The following SMARCAD1 variants were observed in gnomAD, a reference collection of about 807,000 sequenced individuals.
SMARCAD1 encodes the protein SWI/SNF-related matrix-associated actin-dependent regulator of chromatin subfamily A containing DEAD/H box 1.
A neutral mutation model predicts 127.1 loss-of-function variants in SMARCAD1; 25 were observed. The observed-to-expected ratio is 0.20, with a 90% CI of 0.14 to 0.27. The LOEUF is 0.27. SMARCAD1 is among the 10% of genes least tolerant of loss of function. The pLI is 1.00. For missense variants in SMARCAD1, 807 were observed against 1,206.0 expected, an observed-to-expected ratio of 0.67 and a Z score of 4.90; for synonymous variants, 400 against 396.9, an observed-to-expected ratio of 1.01 and a Z score of -0.09.
intron 14 of SMARCAD1, among the ~76,000 whole-genome samples, chr4:94,275,290 C>G (rs777683238): frequency 2.4e-4 from 36 of 152,142 alleles, no homozygotes; most frequent in Non-Finnish European, 4.4e-4. Flanking sequence ...ATATTTTTAA[C>G]TTACAAATAA....
rs1748012542 is a variant in SMARCAD1, at chr4:94,243,970, A to G, written c.705+2964A>G. On this transcript the variant is annotated intron_variant, in intron 6 of 23. Coordinates refer to ENST00000354268, the MANE Select transcript of SMARCAD1 (RefSeq NM_020159.5). ...AAACATTTGGAAAGATAAAAACATA[A>G]CGATACATCCCAAGCAACAGATATA... Among the ~76,000 whole-genome samples, 3 of 152,200 alleles carry G rather than the reference A, an allele frequency of 2.0e-5. No homozygotes were observed. The South Asian group carries it at 6.2e-4, about 32-fold the overall frequency.
At chr4:94,283,781 C>G (rs1176853284) in intron 22 of SMARCAD1, among the ~76,000 whole-genome samples, 6 of 148,890 alleles carry the variant, frequency 4.0e-5, no homozygotes, top group Non-Finnish European at 9.0e-5. Context: ...GCCGAGATCA[C>G]CACCACTGCA....
intron 23 of SMARCAD1, among the ~76,000 whole-genome samples, chr4:94,287,762 C>T (rs1414562141): frequency 6.6e-6 from 1 of 151,820 alleles, no homozygotes; most frequent in African/African-American, 2.4e-5. Context: ...TGTATTAATA[C>T]ATTTTTTACC....
Position 94,264,535 on chromosome 4 carries a change from CAT to C in SMARCAD1, c.1282-171_1282-170del, listed in dbSNP as rs1384127963. On this transcript the variant is annotated intron_variant, in intron 9 of 23. Transcript: ENST00000354268. ...GTGACAGTAGAATATAAAAGTGAAA[CAT>C]GTAGCAACTCAAATATAAACATGAA... 3.4e-5 allele frequency: 19 copies of C among 556,978 alleles called. 1 individual carries two copies. Among genetic ancestry groups the C allele is most frequent in the East Asian group, 3.3e-4 (11 of 33,772 alleles). The allele number at this position is 556,978 out of a possible 1,614,324, so 34.5% of individuals were successfully genotyped here. A position where few individuals can be genotyped will look rare whatever the true frequency, so the allele number is the denominator to read the frequency against.
intron 3 of SMARCAD1, among the ~76,000 whole-genome samples, chr4:94,228,226 A>C (rs918553316): frequency 1.3e-5 from 2 of 152,160 alleles, no homozygotes; most frequent in Non-Finnish European, 2.9e-5. Flanking sequence ...GAAAATTGTC[A>C]TATTTTGGAA....
chr4:94,265,075 T>G (rs1477970830), intron 10 of SMARCAD1, among the ~76,000 whole-genome samples, 169 bp downstream of exon 10: 1 of 151,924 alleles, frequency 6.6e-6, no homozygotes, highest in African/African-American at 2.4e-5. Flanking sequence ...TTCATTGATT[T>G]CCCCCACCCC....
intron 9 of SMARCAD1, among the ~76,000 whole-genome samples, chr4:94,262,597 A>T (rs1451981623): frequency 6.6e-6 from 1 of 152,144 alleles, no homozygotes; most frequent in Non-Finnish European, 1.5e-5. Flanking sequence ...TCATACCCTT[A>T]CTGCCTTCCT....
chr4:94,265,264 GC>G (rs962252365), intron 10 of SMARCAD1, among the ~76,000 whole-genome samples: 18 of 151,858 alleles, frequency 1.2e-4, no homozygotes, highest in African/African-American at 4.3e-4. Context: ...AAAGTCAGCT[GC>G]TTAATTGCAT....
At chr4:94,216,974 A>G (rs1743295001) in intron 2 of SMARCAD1, among the ~76,000 whole-genome samples, 1 of 152,142 alleles carries the variant, frequency 6.6e-6, no homozygotes, top group African/African-American at 2.4e-5. Flanking sequence ...TCATATAGTA[A>G]TTCTATTTTT....
chr4:94,233,625 T>C (rs1453233774), intron 3 of SMARCAD1, among the ~76,000 whole-genome samples: 1 of 152,138 alleles, frequency 6.6e-6, no homozygotes. Flanking sequence ...ATAGAGAGTA[T>C]TGGTGAAAGA....
intron 2 of SMARCAD1, among the ~76,000 whole-genome samples, chr4:94,225,632 T>C (rs1579056308): frequency 1.3e-5 from 2 of 152,208 alleles, no homozygotes; most frequent in Non-Finnish European, 2.9e-5. Context: ...AGCTAATATT[T>C]ATGGGATGCT....
At chr4:94,233,839 T>G (rs1746226384) in intron 3 of SMARCAD1, 115 bp from the exon 4 acceptor site, 5 of 1,116,722 alleles carry the variant, frequency 4.5e-6, no homozygotes, top group Non-Finnish European at 6.5e-6. Context: ...TAGATTGCAT[T>G]TACTATTGAA....
At chr4:94,253,802 A>G in intron 9 of SMARCAD1, 3 of 675,080 alleles carry the variant, frequency 4.4e-6, no homozygotes, top group Non-Finnish European at 5.5e-6. Context: ...TAAATATAAG[A>G]ACTCTTAAAT....
intron 9 of SMARCAD1, among the ~76,000 whole-genome samples, chr4:94,260,981 G>T (rs1198779332): frequency 6.6e-6 from 1 of 152,058 alleles, no homozygotes; most frequent in South Asian, 2.1e-4. Flanking sequence ...ATATTAGGAA[G>T]TTTCAGCTAT....
At chr4:94,234,538 A>G (rs1746339906) in intron 4 of SMARCAD1, among the ~76,000 whole-genome samples, 1 of 152,232 alleles carries the variant, frequency 6.6e-6, no homozygotes, top group African/African-American at 2.4e-5. Context: ...GTCCATAACT[A>G]AGGATAGTCC....
In SMARCAD1 at chr4:94,208,602, A is replaced by C; in HGVS notation, c.190+18A>C. 1 of 1,609,898 alleles carries C rather than the reference A, an allele frequency of 6.2e-7. No individual in the cohort carries two copies. The highest frequency in any genetic ancestry group is 8.5e-7 in the Non-Finnish European group (1 of 1,176,280). ...AAAAACAGGTGAGTTACAATGTTAAAATTGATGTAACATCAAGGACAGTTT... is the reference window on the plus strand; with the variant it reads ...AAAAACAGGTGAGTTACAATGTTAACATTGATGTAACATCAAGGACAGTTT... On this transcript the variant is annotated intron_variant, in intron 2 of 23. Transcript: ENST00000354268.
At chr4:94,234,822 TCTC>T (rs1350638139) in intron 4 of SMARCAD1, among the ~76,000 whole-genome samples, 3 of 152,182 alleles carry the variant, frequency 2.0e-5, no homozygotes, top group Admixed American at 1.3e-4. Flanking sequence ...CACTACCAGT[TCTC>T]CTCCTCACCA....
chr4:94,247,245 C>G lies in SMARCAD1; in HGVS notation c.706-2409C>G, dbSNP rs572946772. 2.0e-5 allele frequency among the ~76,000 whole-genome samples: 3 copies of G among 152,260 alleles called. No individual in the cohort carries two copies. In the South Asian group the frequency reaches 6.2e-4, roughly 32 times the overall value. Reference sequence around the variant, plus strand: ...TCTGCCAGTGCCAAATATGTCTGTTCCAACTATGATTCTGGAGATGGAAAA... The same window carrying G: ...TCTGCCAGTGCCAAATATGTCTGTTGCAACTATGATTCTGGAGATGGAAAA... On this transcript the variant is annotated intron_variant, in intron 6 of 23. Coordinates refer to ENST00000354268, the MANE Select transcript of SMARCAD1 (RefSeq NM_020159.5).
chr4:94,243,219 G>A (rs1355006657), intron 6 of SMARCAD1, among the ~76,000 whole-genome samples: 8 of 152,294 alleles, frequency 5.3e-5, no homozygotes, highest in South Asian at 2.1e-4. Context: ...GATTACAGGC[G>A]GCAGCCACTG....
Sources: gnomAD v4.1 joint callset for allele counts (sites outside exome capture counted in the v4.1 genomes callset) on GRCh38, gnomAD v4.1.1 for gene constraint, MANE v1.5 for transcripts, NCBI Gene and HGNC (gene_info 2026-07-23, HGNC 2026-07-21) for gene names.